PDZRN4: variants seen among roughly 807,000 people sequenced by gnomAD.
PDZRN4 encodes the protein PDZ domain containing ring finger 4, also known as PDZ domain-containing RING finger protein 4.
Under a neutral mutation model 99.0 loss-of-function variants are expected in PDZRN4, and 70 were observed. The ratio of observed to expected loss-of-function variants is 0.71; its 90% confidence interval spans 0.58 to 0.86. PDZRN4 has a LOEUF of 0.86. Among genes scored for constraint, PDZRN4 ranks in the 40% least tolerant of loss-of-function variants. The probability of loss-of-function intolerance (pLI) is 0.00; values close to 1 mark genes in which losing one functional copy is unlikely to be tolerated. For missense variants in PDZRN4, 1,474 were observed against 1,331.2 expected (o/e 1.11, Z -1.67); for synonymous variants, 551 against 501.6 (o/e 1.10, Z -1.32).
intron 3 of PDZRN4, among the ~76,000 whole-genome samples, chr12:41,480,349 A>C (rs1937653264): frequency 6.6e-6 from 1 of 152,212 alleles, no homozygotes; most frequent in Non-Finnish European, 1.5e-5. Context: ...ATTTGAAATA[A>C]AATGTATTCC....
At chr12:41,539,775 G>A (rs904956213) in intron 5 of PDZRN4, among the ~76,000 whole-genome samples, 23 of 152,252 alleles carry the variant, frequency 1.5e-4, no homozygotes, top group African/African-American at 5.3e-4. Flanking sequence ...ATAAAGAGAA[G>A]TTCTGAGGAG....
intron 3 of PDZRN4, among the ~76,000 whole-genome samples, chr12:41,358,908 A>T (rs539344707): frequency 1.3e-3 from 194 of 152,118 alleles, no homozygotes; most frequent in Non-Finnish European, 2.2e-3. Flanking sequence ...GGGTTCCATT[A>T]CTAACATTTC....
rs1423321500 is a variant in PDZRN4 at position 41,189,202 on chromosome 12, C to G, written c.648+99C>G. The stretch of plus-strand genomic sequence containing the variant: ...CAGGATTCCTTTGGAATTGGGCATC[C>G]TTCCTCACTATGCAGCAGGAAACAT... On this transcript the variant is annotated intron_variant, in intron 1 of 9. Transcript: ENST00000402685. 8 of 1,136,708 alleles carry G rather than the reference C, an allele frequency of 7.0e-6. No homozygotes were observed. In the East Asian group the frequency reaches 2.2e-4, roughly 31 times the overall value. The allele number at this position is 1,136,708 out of a possible 1,614,324, so 70.4% of individuals were successfully genotyped here.
chr12:41,558,420 T>TC (rs1337193285), intron 7 of PDZRN4, among the ~76,000 whole-genome samples: 3 of 152,156 alleles, frequency 2.0e-5, no homozygotes, highest in African/African-American at 7.2e-5. Flanking sequence ...ATCCCATACC[T>TC]CCTACTGTAC....
chr12:41,249,710 T>G (rs1473075805), intron 3 of PDZRN4, among the ~76,000 whole-genome samples: 1 of 152,208 alleles, frequency 6.6e-6, no homozygotes, highest in Non-Finnish European at 1.5e-5. Flanking sequence ...TACTGGGGCC[T>G]GAAGTATTAT....
In PDZRN4 at chr12:41,573,043, C is replaced by G. The variant is rs760735890; in HGVS notation, c.2264C>G (p.Ser755Cys). ...AGTACTCCGCTCACTGTAGACCGTT[C>G]CCCTGACAGTTCCCTTCCAAGGGTG... ...CRSTPLTVDR[S>C]PDSSLPRVIN... Residue 755 changes from serine (S) to cysteine (C), a missense_variant, in exon 10 of 10, where the codon TCC becomes TGC. Ser to Cys is a moderately radical substitution (Grantham distance 112). Transcript: ENST00000402685. The G allele has an allele frequency of 8.7e-6, 14 of 1,614,114 alleles. No homozygotes were observed. The highest frequency in any genetic ancestry group is 1.2e-5 in the Non-Finnish European group (14 of 1,179,996).
intron 3 of PDZRN4, among the ~76,000 whole-genome samples, chr12:41,344,111 A>G (rs918124491): frequency 6.6e-6 from 1 of 152,136 alleles, no homozygotes; most frequent in African/African-American, 2.4e-5. Context: ...GTTAGAATCT[A>G]TACTGGTGAT....
At chr12:41,545,760 T>C (rs1214439238) in intron 5 of PDZRN4, among the ~76,000 whole-genome samples, 2 of 151,950 alleles carry the variant, frequency 1.3e-5, no homozygotes, top group African/African-American at 2.4e-5. Flanking sequence ...TGCATGTGGA[T>C]TGACAAGTGG....
At chr12:41,432,023 TACC>T (rs1429632344) in intron 3 of PDZRN4, among the ~76,000 whole-genome samples, 3 of 152,252 alleles carry the variant, frequency 2.0e-5, no homozygotes, top group Non-Finnish European at 4.4e-5. Context: ...CTGACATCTT[TACC>T]TCAGAGATAG....
At chr12:41,397,462 G>T (rs1217460215) in intron 3 of PDZRN4, among the ~76,000 whole-genome samples, 2 of 152,116 alleles carry the variant, frequency 1.3e-5, no homozygotes, top group Admixed American at 6.6e-5. Flanking sequence ...TGGCCAATCA[G>T]TAATAATCCA....
intron 3 of PDZRN4, among the ~76,000 whole-genome samples, chr12:41,294,053 G>T (rs956542106): frequency 3.3e-5 from 5 of 152,296 alleles, no homozygotes; most frequent in South Asian, 2.1e-4. Flanking sequence ...TTATGTTGTT[G>T]TGGGGTTTTT....
At chr12:41,405,674 A>T (rs1256836230) in intron 3 of PDZRN4, among the ~76,000 whole-genome samples, 1 of 152,220 alleles carries the variant, frequency 6.6e-6, no homozygotes, top group Non-Finnish European at 1.5e-5. Context: ...GCTATTCACA[A>T]GAGCAAAGAC....
chr12:41,216,513 G>A (rs892252293), intron 3 of PDZRN4, among the ~76,000 whole-genome samples: 6 of 151,910 alleles, frequency 3.9e-5, no homozygotes, highest in Non-Finnish European at 8.8e-5. Context: ...GTAAAACTTT[G>A]ATACTTAAAA....
intron 3 of PDZRN4, among the ~76,000 whole-genome samples, chr12:41,240,768 G>T (rs565697826): frequency 6.6e-6 from 1 of 152,202 alleles, no homozygotes; most frequent in South Asian, 2.1e-4. Context: ...TAACTCTCTG[G>T]GATCTCTTTG....
intron 5 of PDZRN4, among the ~76,000 whole-genome samples, chr12:41,529,775 G>T (rs955502334): frequency 7.2e-5 from 11 of 152,190 alleles, no homozygotes; most frequent in African/African-American, 2.2e-4. Flanking sequence ...CTCAGGGTAT[G>T]TGTCATATGT....
chr12:41,422,112 T>C (rs1402204230), intron 3 of PDZRN4, among the ~76,000 whole-genome samples: 1 of 152,188 alleles, frequency 6.6e-6, no homozygotes, highest in Admixed American at 6.6e-5. Context: ...GACAGAGTTA[T>C]CAATTTTGCT....
intron 3 of PDZRN4, among the ~76,000 whole-genome samples, chr12:41,463,010 TGTCACCCTGATGCCA>T (rs1185833836): frequency 6.6e-6 from 1 of 152,186 alleles, no homozygotes; most frequent in African/African-American, 2.4e-5. Context: ...GGCACAGCCT[TGTCACCCTGATGCCA>T]GATATGTATT....
intron 3 of PDZRN4, among the ~76,000 whole-genome samples, chr12:41,199,427 A>G (rs888514156): frequency 6.6e-6 from 1 of 152,126 alleles, no homozygotes; most frequent in Non-Finnish European, 1.5e-5. Flanking sequence ...AATTCGTGTA[A>G]CTCCTGTGGA....
intron 3 of PDZRN4, among the ~76,000 whole-genome samples, chr12:41,197,933 G>GTTTTTTTTTTTTTTTTTGAT: frequency 2.0e-5 from 1 of 50,738 alleles, no homozygotes; most frequent in East Asian, 6.7e-4. Context: ...TTTTTTTTTG[G>GTTTTTTTTTTTTTTTTTGAT]AGACAGGATC....
Sources: allele counts gnomAD v4.1 joint callset (sites outside exome capture counted in the v4.1 genomes callset), GRCh38; gene constraint gnomAD v4.1.1; transcripts MANE v1.5; gene names NCBI Gene and HGNC (gene_info 2026-07-23, HGNC 2026-07-21).